Variants in RABGAP1L observed in about 807,000 individuals in gnomAD.
RABGAP1L encodes rab GTPase-activating protein 1-like.
Under a neutral mutation model 137.7 loss-of-function variants are expected in RABGAP1L, and 63 were observed. The ratio of observed to expected loss-of-function variants is 0.46; its 90% CI spans 0.37 to 0.56. The LOEUF (loss-of-function observed/expected upper bound fraction) is 0.56, where lower values mean the gene tolerates loss of function less well. Among genes scored for constraint, RABGAP1L ranks in the 20% least tolerant of loss-of-function variants. The pLI is 0.00. For missense variants in RABGAP1L, 1,095 were observed against 1,244.0 expected (o/e 0.88, Z 1.80); for synonymous variants, 431 against 433.7 (o/e 0.99, Z 0.08).
intron 17 of RABGAP1L, among the ~76,000 whole-genome samples, chr1:174,720,147 G>T (rs1681377590): frequency 6.6e-6 from 1 of 152,106 alleles, no homozygotes. Flanking sequence ...GTATTTGTGG[G>T]CATTTGATTT....
At chr1:174,659,358 T>C (rs1009204053) in intron 14 of RABGAP1L, among the ~76,000 whole-genome samples, 20 of 152,172 alleles carry the variant, frequency 1.3e-4, no homozygotes, top group African/African-American at 4.1e-4. Context: ...TTTCTGAAAA[T>C]GGTGTGGTCA....
At chr1:174,414,193 C>T (rs1232256011) in intron 13 of RABGAP1L, among the ~76,000 whole-genome samples, 2 of 151,942 alleles carry the variant, frequency 1.3e-5, no homozygotes, top group Non-Finnish European at 2.9e-5. Flanking sequence ...TTCTAGGCCA[C>T]ATGGTTGGCA....
chr1:174,364,185 G>A (rs1684384922), intron 11 of RABGAP1L, among the ~76,000 whole-genome samples: 3 of 149,258 alleles, frequency 2.0e-5, no homozygotes, highest in Admixed American at 2.0e-4. Flanking sequence ...TTACTTAGAG[G>A]CTTTATTACG....
intron 13 of RABGAP1L, among the ~76,000 whole-genome samples, chr1:174,576,944 A>T (rs1668413361): frequency 6.6e-6 from 1 of 152,122 alleles, no homozygotes; most frequent in Non-Finnish European, 1.5e-5. Context: ...GTGTTTTAGG[A>T]GGCTGAGGTG....
At chr1:174,760,379 C>T (rs1289532798) in intron 18 of RABGAP1L, among the ~76,000 whole-genome samples, 1 of 152,134 alleles carries the variant, frequency 6.6e-6, no homozygotes, top group Non-Finnish European at 1.5e-5. Context: ...TCTTTGTGTC[C>T]ACGTGTACTC....
chr1:174,362,926 C>T (rs1684273604), intron 11 of RABGAP1L, among the ~76,000 whole-genome samples: 1 of 152,142 alleles, frequency 6.6e-6, no homozygotes, highest in Admixed American at 6.6e-5. Flanking sequence ...TTGGGTTTTA[C>T]ATTTAAGTCA....
At chr1:174,773,163 G>GGTATGTGTGTGTGTGT (rs1553250562) in intron 18 of RABGAP1L, among the ~76,000 whole-genome samples, 1 of 149,548 alleles carries the variant, frequency 6.7e-6, no homozygotes, top group Admixed American at 6.7e-5. Flanking sequence ...TAAGCTATGG[G>GGTATGTGTGTGTGTGT]GTGTGTGTGT....
chr1:174,925,861 T>G (rs1662706423), intron 19 of RABGAP1L, among the ~76,000 whole-genome samples: 1 of 31,282 alleles, frequency 3.2e-5, no homozygotes, highest in East Asian at 1.2e-3. Context: ...TGTTGTTGGT[T>G]TTTTTTTTGT....
chr1:174,670,937 T>C (rs1010566479), intron 14 of RABGAP1L, among the ~76,000 whole-genome samples: 1 of 152,168 alleles, frequency 6.6e-6, no homozygotes, highest in African/African-American at 2.4e-5. Context: ...CATATGGTAG[T>C]TCCATTTTTA....
intron 19 of RABGAP1L, among the ~76,000 whole-genome samples, chr1:174,923,859 C>A (rs569020398): frequency 7.3e-6 from 1 of 137,546 alleles, no homozygotes; most frequent in African/African-American, 2.8e-5. Flanking sequence ...CCAGCCTGGG[C>A]GACTGAGCGA....
intron 13 of RABGAP1L, among the ~76,000 whole-genome samples, chr1:174,629,310 A>T (rs1673146180): frequency 6.6e-6 from 1 of 152,194 alleles, no homozygotes; most frequent in African/African-American, 2.4e-5. Context: ...TTCAGTACAC[A>T]ATTTCATTCC....
At chr1:174,525,743 C>T (rs576322308) in intron 13 of RABGAP1L, among the ~76,000 whole-genome samples, 3 of 152,002 alleles carry the variant, frequency 2.0e-5, no homozygotes, top group Admixed American at 1.3e-4. Flanking sequence ...CAACTTTTTT[C>T]GGTTCAGTAT....
At chr1:174,268,854 T>C (rs1674304799) in intron 7 of RABGAP1L, among the ~76,000 whole-genome samples, 1 of 152,188 alleles carries the variant, frequency 6.6e-6, no homozygotes, top group Non-Finnish European at 1.5e-5. Flanking sequence ...TTAATGGTAA[T>C]GGTAATTATA....
chr1:174,780,760 C>G (rs1358834225), intron 18 of RABGAP1L, among the ~76,000 whole-genome samples: 2 of 132,978 alleles, frequency 1.5e-5, no homozygotes, highest in Middle Eastern at 4.4e-3. Context: ...GTGATGTTCC[C>G]CTTCTTGTGT....
At chr1:174,818,043 C>CATAACATAACATAA (rs1690619531) in intron 19 of RABGAP1L, among the ~76,000 whole-genome samples, 1 of 152,146 alleles carries the variant, frequency 6.6e-6, no homozygotes, top group African/African-American at 2.4e-5. Context: ...TGGTACATAT[C>CATAACATAACATAA]CACAACTCAT....
intron 13 of RABGAP1L, among the ~76,000 whole-genome samples, chr1:174,620,953 A>G (rs967391541): frequency 2.6e-5 from 4 of 152,198 alleles, no homozygotes; most frequent in African/African-American, 9.7e-5. Flanking sequence ...TAAAGGGGAT[A>G]TCACCACCGA....
rs551095251 is a variant in RABGAP1L at position 174,928,211 on chromosome 1, C to T, written c.2341-29246C>T. 8.5e-5 allele frequency among the ~76,000 whole-genome samples: 13 copies of T among 152,234 alleles called. No homozygotes were observed. The South Asian group carries it at 2.5e-3, about 29-fold the overall frequency. On this transcript the variant is annotated intron_variant, in intron 19 of 25. Coordinates refer to ENST00000681986, the MANE Select transcript of RABGAP1L (RefSeq NM_001366446.1). ...TTTGTCTAGCTGTCTAGCAGTTACT[C>T]ATTTTTCCAGGCCCAGCCAAGCCTT... is the stretch of plus-strand genomic sequence containing the variant.
intron 19 of RABGAP1L, among the ~76,000 whole-genome samples, chr1:174,834,468 T>C (rs10912843): frequency 0.64 from 96,892 of 150,384 alleles, 33,717 homozygotes; most frequent in East Asian, 0.93. Context: ...GTGTTTTTTT[T>C]CTCTGGGCAT....
At chr1:174,368,549 TG>T (rs1041023865) in intron 11 of RABGAP1L, among the ~76,000 whole-genome samples, 22 of 152,166 alleles carry the variant, frequency 1.4e-4, no homozygotes, top group Non-Finnish European at 3.1e-4. Context: ...ATTCATGAAA[TG>T]GGGTTTTCTA....
Sources: gnomAD v4.1 joint callset for allele counts (sites outside exome capture counted in the v4.1 genomes callset) on GRCh38, gnomAD v4.1.1 for gene constraint, MANE v1.5 for transcripts, NCBI Gene and HGNC (gene_info 2026-07-23, HGNC 2026-07-21) for gene names.